Variants in PPP2R5C observed in about 807,000 individuals in gnomAD.
PPP2R5C encodes the protein serine/threonine-protein phosphatase 2A 56 kDa regulatory subunit gamma isoform.
A neutral mutation model predicts 68.9 loss-of-function variants in PPP2R5C; 7 were observed. That is an observed-to-expected ratio of 0.10 (90% CI 0.06 to 0.19). The LOEUF (loss-of-function observed/expected upper bound fraction) is 0.19. Among genes scored for constraint, PPP2R5C ranks in the 10% least tolerant of loss-of-function variants. The probability of loss-of-function intolerance (pLI) is 1.00; values close to 1 mark genes in which losing one functional copy is unlikely to be tolerated. For missense variants in PPP2R5C, 348 were observed against 641.3 expected (o/e 0.54, Z 4.94); for synonymous variants, 210 against 222.2 (o/e 0.95, Z 0.49).
intron 13 of PPP2R5C, among the ~76,000 whole-genome samples, chr14:101,918,375 TC>T (rs1226426415): frequency 2.1e-5 from 1 of 47,754 alleles, no homozygotes; most frequent in Non-Finnish European, 4.2e-5. Context: ...TCCTTGCCCC[TC>T]CCCCTGTCCC....
At chr14:101,814,373 T>C (rs2039537444) in intron 1 of PPP2R5C, among the ~76,000 whole-genome samples, 1 of 152,236 alleles carries the variant, frequency 6.6e-6, no homozygotes, top group South Asian at 2.1e-4. Flanking sequence ...GTTGTTTCTT[T>C]CGTATTCCTG....
chr14:101,795,936 G>A (rs2038586567), intron 3 of PPP2R5C, among the ~76,000 whole-genome samples: 1 of 152,032 alleles, frequency 6.6e-6, no homozygotes, highest in African/African-American at 2.4e-5. Flanking sequence ...AGTCCTCCCA[G>A]CTCAGCCTTC....
rs1335520284 is a variant in PPP2R5C, at chr14:101,835,175, G to T, written c.95-21511G>T. Among the ~76,000 whole-genome samples, 1 of 152,216 alleles carries T rather than the reference G, an allele frequency of 6.6e-6. No homozygotes were observed. The highest frequency in any genetic ancestry group is 2.4e-5 in the African/African-American group (1 of 41,460). ...GGACACTGGGCTGCTCCTCATGGCG[G>T]TGGGAGCATGGGCTGCTCAGCTGGG... On this transcript the variant is annotated intron_variant, in intron 1 of 13. Coordinates refer to ENST00000334743, the Ensembl canonical transcript of PPP2R5C. This position sits in a 1 kb window ranked among gnomAD's most constrained non-coding sequence, Gnocchi z 5.0.
chr14:101,801,003 T>C (rs957140317), intron 3 of PPP2R5C, among the ~76,000 whole-genome samples: 1 of 152,058 alleles, frequency 6.6e-6, no homozygotes, highest in Non-Finnish European at 1.5e-5. Flanking sequence ...CTTACTCATG[T>C]GGGAGGTAAA....
chr14:101,818,956 A>T (rs2039879521), intron 1 of PPP2R5C: 1 of 1,459,966 alleles, frequency 6.8e-7, no homozygotes, highest in Admixed American at 2.0e-5. Flanking sequence ...TGGTATTTTA[A>T]CTTATAACTT....
chr14:101,765,102 G>T, intron 2 of PPP2R5C: 2 of 700,870 alleles, frequency 2.9e-6, no homozygotes, highest in Non-Finnish European at 2.6e-6. Flanking sequence ...CTGCGGTGTG[G>T]CCTGCAGTGC....
intron 2 of PPP2R5C, among the ~76,000 whole-genome samples, chr14:101,873,022 C>T (rs2043522322): frequency 1.3e-5 from 2 of 151,696 alleles, no homozygotes; most frequent in Non-Finnish European, 2.9e-5. Context: ...ATTTTTATTA[C>T]AGTAAATTTT....
At chr14:101,821,983 T>C (rs887322671) in intron 1 of PPP2R5C, among the ~76,000 whole-genome samples, 1 of 152,114 alleles carries the variant, frequency 6.6e-6, no homozygotes, top group African/African-American at 2.4e-5. Context: ...GATGTTTCCC[T>C]TTAGAGAACA....
rs1469319795 is a variant in PPP2R5C at position 101,825,433 on chromosome 14, A to T, written c.94+15397A>T. ...GCCAAGATCATGGGTTTAAGATTTG[A>T]GACTTGGCCAAAAGGTAGCTTTCCT... On this transcript the variant is annotated intron_variant, in intron 1 of 13. Coordinates refer to ENST00000334743, the Ensembl canonical transcript of PPP2R5C. This position sits in a 1 kb window ranked among gnomAD's most constrained non-coding sequence, Gnocchi z 4.0. Among the ~76,000 whole-genome samples, 4 of 152,134 alleles carry T rather than the reference A, an allele frequency of 2.6e-5. No individual in the cohort carries two copies. The highest frequency in any genetic ancestry group is 9.7e-5 in the African/African-American group (4 of 41,418).
At chr14:101,763,091 T>G in intron 2 of PPP2R5C, 121 bp downstream of exon 2, 7 of 813,710 alleles carry the variant, frequency 8.6e-6, no homozygotes, top group Non-Finnish European at 1.3e-5. Flanking sequence ...GTTTTTTTTT[T>G]GTGGTGTCTT....
chr14:101,765,236 A>G (rs1405672545), intron 2 of PPP2R5C: 23 of 702,716 alleles, frequency 3.3e-5, no homozygotes, highest in Non-Finnish European at 2.6e-6. Flanking sequence ...CTGCTTCCTC[A>G]TAAGGATACC....
rs377617611 is a variant in PPP2R5C, at chr14:101,883,229, T to C, written c.406-28T>C. On this transcript the variant is annotated intron_variant, in intron 3 of 13. Coordinates refer to ENST00000334743, the Ensembl canonical transcript of PPP2R5C. ...CGCCATTCAATAAAATCTCATGTTATTTGACTCATTGTTTTTTTTCCTCCT... is the reference window on the plus strand; with the variant it reads ...CGCCATTCAATAAAATCTCATGTTACTTGACTCATTGTTTTTTTTCCTCCT... 17 of 1,424,154 alleles carry C rather than the reference T, an allele frequency of 1.2e-5. No homozygotes were observed. The African/African-American group carries it at 2.3e-4, about 19-fold the overall frequency. 88.2% of individuals were successfully genotyped at this position (1,424,154 alleles called of 1,614,324 possible).
At chr14:101,902,865 G>A (rs1421315679) in intron 9 of PPP2R5C, among the ~76,000 whole-genome samples, 5 of 152,220 alleles carry the variant, frequency 3.3e-5, no homozygotes, top group African/African-American at 1.2e-4. Flanking sequence ...AGCACGGGCA[G>A]CCATAGTAAA....
At chr14:101,814,511 C>A (rs1027337016) in intron 1 of PPP2R5C, among the ~76,000 whole-genome samples, 1 of 152,224 alleles carries the variant, frequency 6.6e-6, no homozygotes, top group Admixed American at 6.5e-5. Flanking sequence ...AACACACTCT[C>A]ATCCACCTCC....
Position 101,899,299 on chromosome 14 carries a change from G to A in PPP2R5C, c.853-2420G>A, listed in dbSNP as rs1401364546. ...CTCTCCTTTCTCCTTGGTCTACCAG[G>A]ACAGGAAGGGGGCTCCCCAAGACTC... On this transcript the variant is annotated intron_variant, in intron 8 of 13. Coordinates refer to ENST00000334743, the Ensembl canonical transcript of PPP2R5C. The surrounding 1 kb of genome is among the most constrained non-coding windows in gnomAD (Gnocchi z 4.2). Among the ~76,000 whole-genome samples the A allele has an allele frequency of 6.6e-6, 1 of 152,214 alleles. No homozygotes were observed. Among genetic ancestry groups the A allele is most frequent in the African/African-American group, 2.4e-5 (1 of 41,460 alleles).
upstream of PPP2R5C, among the ~76,000 whole-genome samples, chr14:101,809,147 T>G (rs1015541712): frequency 1.3e-5 from 2 of 152,224 alleles, no homozygotes; most frequent in African/African-American, 4.8e-5. Context: ...TTTTTTTGCT[T>G]TCTTACTCCC....
chr14:101,843,038 C>T (rs930827592), intron 1 of PPP2R5C, among the ~76,000 whole-genome samples: 1 of 151,914 alleles, frequency 6.6e-6, no homozygotes, highest in Non-Finnish European at 1.5e-5. Flanking sequence ...CCAACCTGGG[C>T]AACACAGCAA....
chr14:101,764,028 T>TGTGG (rs760171225), intron 2 of PPP2R5C, among the ~76,000 whole-genome samples: 6 of 137,526 alleles, frequency 4.4e-5, no homozygotes, highest in Non-Finnish European at 8.1e-5. Context: ...TGTGTGTGTG[T>TGTGG]GGGCGCGCGC....
At position 101,916,043 on chromosome 14, in the gene PPP2R5C, C is replaced by G. The variant is rs568781624; in HGVS notation, c.1327-1788C>G. Among the ~76,000 whole-genome samples, 1 of 152,048 alleles carries G rather than the reference C, an allele frequency of 6.6e-6. No homozygotes were observed. Among genetic ancestry groups the G allele is most frequent in the Non-Finnish European group, 1.5e-5 (1 of 68,002 alleles). On this transcript the variant is annotated intron_variant, in intron 12 of 13. Coordinates refer to ENST00000334743, the Ensembl canonical transcript of PPP2R5C. This position sits in a 1 kb window ranked among gnomAD's most constrained non-coding sequence, Gnocchi z 5.5. ...GTGTCAGTTATGGGGTGGGCCGGTGCGATCTGCTGAGAGGTGAGGGTGGAG... is the reference window on the plus strand; with the variant it reads ...GTGTCAGTTATGGGGTGGGCCGGTGGGATCTGCTGAGAGGTGAGGGTGGAG...
Sources: gnomAD v4.1 joint callset for allele counts (sites outside exome capture counted in the v4.1 genomes callset) on GRCh38, gnomAD v4.1.1 for gene constraint, Gnocchi (gnomAD v3.1) non-coding constraint, MANE v1.5 for transcripts, NCBI Gene and HGNC (gene_info 2026-07-23, HGNC 2026-07-21) for gene names.